Variants in GRM8 observed in about 807,000 individuals in gnomAD.
The protein encoded by GRM8 is metabotropic glutamate receptor 8.
A neutral mutation model predicts 87.2 loss-of-function variants in GRM8; 47 were observed. That is an observed-to-expected ratio of 0.54 (90% CI 0.43 to 0.69). The LOEUF (loss-of-function observed/expected upper bound fraction) is 0.69, where lower values mean the gene tolerates loss of function less well. Ranked by LOEUF, GRM8 falls within the 30% of genes least tolerant of loss-of-function variation. The pLI is 0.00. For synonymous variants in GRM8, 396 were observed against 404.5 expected (o/e 0.98, Z 0.25); for missense variants, 1,019 against 1,139.2 (o/e 0.89, Z 1.52).
At chr7:126,789,732 A>C (rs1585941592) in intron 6 of GRM8, among the ~76,000 whole-genome samples, 1 of 152,316 alleles carries the variant, frequency 6.6e-6, no homozygotes, top group Non-Finnish European at 1.5e-5. Flanking sequence ...GGTAAAAATT[A>C]TTTCATTCTA....
chr7:126,682,986 T>C (rs1041295502), intron 7 of GRM8, among the ~76,000 whole-genome samples: 3 of 151,102 alleles, frequency 2.0e-5, no homozygotes, highest in Admixed American at 6.6e-5. Flanking sequence ...GAGGTGGAGG[T>C]TTCAGTGAAC....
intron 2 of GRM8, among the ~76,000 whole-genome samples, chr7:127,196,014 C>A (rs1304134014): frequency 6.6e-6 from 1 of 152,106 alleles, no homozygotes; most frequent in Non-Finnish European, 1.5e-5. Context: ...ATTATTATAA[C>A]CTCTTAGTGA....
intron 6 of GRM8, among the ~76,000 whole-genome samples, chr7:126,842,242 CAGA>C (rs1192844379): frequency 2.0e-5 from 3 of 152,092 alleles, no homozygotes; most frequent in Non-Finnish European, 4.4e-5. Flanking sequence ...TGGTCCTGAG[CAGA>C]AGGATACCAG....
intron 2 of GRM8, among the ~76,000 whole-genome samples, chr7:127,171,114 G>A (rs1793774328): frequency 6.6e-6 from 1 of 152,142 alleles, no homozygotes; most frequent in African/African-American, 2.4e-5. Flanking sequence ...CAAAACTTTG[G>A]TGGAGTACTG....
intron 3 of GRM8, among the ~76,000 whole-genome samples, chr7:127,086,962 C>T (rs184324628): frequency 1.3e-5 from 2 of 152,172 alleles, no homozygotes; most frequent in East Asian, 3.9e-4. Context: ...AGGGAGGGCT[C>T]GATGCCAAAA....
chr7:126,593,059 TAGA>T (rs920328711), intron 8 of GRM8, among the ~76,000 whole-genome samples: 40 of 152,074 alleles, frequency 2.6e-4, no homozygotes, highest in African/African-American at 9.1e-4. Flanking sequence ...AACGAGGAGT[TAGA>T]AGATCTATAC....
At chr7:126,466,227 G>T (rs1217173763) in intron 9 of GRM8, among the ~76,000 whole-genome samples, 1 of 151,596 alleles carries the variant, frequency 6.6e-6, no homozygotes. Context: ...TATAAAGAGG[G>T]TATTTTTTAA....
At chr7:126,446,086 C>T in intron 10 of GRM8, 40 bp downstream of exon 10, 1 of 1,610,436 alleles carries the variant, frequency 6.2e-7, no homozygotes, top group Non-Finnish European at 8.5e-7. Flanking sequence ...TTAGGAAGTG[C>T]TCCCGCTCTT....
intron 2 of GRM8, among the ~76,000 whole-genome samples, chr7:127,158,460 T>C (rs1306640759): frequency 1.3e-5 from 2 of 152,212 alleles, no homozygotes; most frequent in Non-Finnish European, 2.9e-5. Flanking sequence ...ACTGCCGCTA[T>C]AATAAAAATA....
At chr7:126,973,352 G>A (rs1483252672) in intron 3 of GRM8, among the ~76,000 whole-genome samples, 5 of 152,142 alleles carry the variant, frequency 3.3e-5, no homozygotes, top group Admixed American at 6.6e-5. Context: ...TCATGTACTT[G>A]CTCTTCTACT....
rs1817669011 is a variant in GRM8 at position 126,762,395 on chromosome 7, T to C, written c.1357+7470A>G. On this transcript the variant is annotated intron_variant, in intron 7 of 10. Transcript: ENST00000339582. ...TGGATGGGCTCGCAACACAGAAAAA[T>C]GGCAGAACTAGGGGAAAAAAACCTA... 1.3e-5 allele frequency among the ~76,000 whole-genome samples: 2 copies of C among 151,670 alleles called. 1 individual carries two copies. The highest frequency in any genetic ancestry group is 4.2e-4 in the South Asian group (2 of 4,812).
At chr7:127,101,505 G>T (rs1825247228) in intron 3 of GRM8, among the ~76,000 whole-genome samples, 1 of 152,088 alleles carries the variant, frequency 6.6e-6, no homozygotes, top group Admixed American at 6.5e-5. Context: ...ACAAGATCTG[G>T]TTGCTTAAAT....
chr7:126,710,508 A>T (rs1284674157), intron 7 of GRM8, among the ~76,000 whole-genome samples: 1 of 152,210 alleles, frequency 6.6e-6, no homozygotes, highest in Non-Finnish European at 1.5e-5. Flanking sequence ...ACAGAAGTAG[A>T]TTCTATCTCA....
rs1375049638 is a variant in GRM8, at chr7:126,577,192, T to A, written c.1494+32170A>T. Among the ~76,000 whole-genome samples the A allele has an allele frequency of 2.0e-5, 3 of 152,268 alleles. No homozygotes were observed. In the East Asian group the frequency reaches 5.8e-4, roughly 29 times the overall value. ...AGCAGAGGTTTAGGTTATCACCCAA[T>A]CTAGGCATGGGTGCCACATCTCCTT... On this transcript the variant is annotated intron_variant, in intron 8 of 10. Coordinates refer to ENST00000339582, the MANE Select transcript of GRM8 (RefSeq NM_000845.3).
intron 9 of GRM8, among the ~76,000 whole-genome samples, chr7:126,516,526 A>T (rs2150769392): frequency 6.6e-6 from 1 of 152,256 alleles, no homozygotes; most frequent in African/African-American, 2.4e-5. Flanking sequence ...AACAGAAATC[A>T]GAAAGAAGCA....
intron 3 of GRM8, among the ~76,000 whole-genome samples, chr7:127,025,334 T>C (rs891570634): frequency 1.2e-4 from 18 of 152,054 alleles, no homozygotes; most frequent in African/African-American, 4.3e-4. Flanking sequence ...ACTAGACCCT[T>C]GGGGACCATC....
chr7:126,997,840 G>A (rs1813335152), intron 3 of GRM8, among the ~76,000 whole-genome samples: 1 of 151,772 alleles, frequency 6.6e-6, no homozygotes, highest in Non-Finnish European at 1.5e-5. Flanking sequence ...CTTCAGTGCT[G>A]AATTCCACCA....
intron 2 of GRM8, among the ~76,000 whole-genome samples, chr7:127,205,766 G>T: frequency 6.6e-6 from 1 of 152,188 alleles, no homozygotes; most frequent in Non-Finnish European, 1.5e-5. Flanking sequence ...ACTTTCACAT[G>T]GTCTTTCACA....
At chr7:126,622,499 T>TCTAC (rs1800281453) in intron 7 of GRM8, among the ~76,000 whole-genome samples, 1 of 151,972 alleles carries the variant, frequency 6.6e-6, no homozygotes, top group African/African-American at 2.4e-5. Context: ...CACCACAAAA[T>TCTAC]CTACCGCCTA....
Sources: gnomAD v4.1 joint callset for allele counts (sites outside exome capture counted in the v4.1 genomes callset) on GRCh38, gnomAD v4.1.1 for gene constraint, MANE v1.5 for transcripts, NCBI Gene and HGNC (gene_info 2026-07-23, HGNC 2026-07-21) for gene names.